Variants in TUB observed in about 807,000 individuals in gnomAD.
TUB encodes tubby protein homolog.
A neutral mutation model predicts 59.7 loss-of-function variants in TUB; 33 were observed. The observed-to-expected ratio is 0.55, with a 90% CI of 0.42 to 0.74. The LOEUF is 0.74. TUB is among the 30% of genes least tolerant of loss of function. The pLI is 0.00. For synonymous variants in TUB, 293 were observed against 256.4 expected, an observed-to-expected ratio of 1.14 and a Z score of -1.36; for missense variants, 659 against 672.0, an observed-to-expected ratio of 0.98 and a Z score of 0.21.
Position 8,105,737 on chromosome 11 carries a change from C to T in TUB, c.*4118C>T, listed in dbSNP as rs1444616823. On this transcript the variant is annotated 3_prime_UTR_variant, in exon 12 of 12. Transcript: ENST00000299506. ...CTACCTTTATAGCTCATCACTGTGC[C>T]TTTTTTTCTTTCCTAAGAAAGACAT... The T allele has an allele frequency of 3.9e-5, 6 of 152,166 alleles. No homozygotes were observed. The highest frequency in any genetic ancestry group is 8.8e-5 in the Non-Finnish European group (6 of 68,034). 9.4% of individuals were successfully genotyped at this position (152,166 alleles called of 1,614,324 possible).
At chr11:8,037,270 A>G (rs1942659772), upstream of TUB, among the ~76,000 whole-genome samples, 1 of 152,082 alleles carries the variant, frequency 6.6e-6, no homozygotes, top group Non-Finnish European at 1.5e-5. Flanking sequence ...CCATATTGGG[A>G]GCCTTGGCTT....
chr11:8,020,411 C>A (rs755953753), intron 1 of TUB, among the ~76,000 whole-genome samples: 3 of 152,176 alleles, frequency 2.0e-5, no homozygotes, highest in Non-Finnish European at 4.4e-5. Flanking sequence ...TTCAGAGGAA[C>A]AGGTGTCCCT....
chr11:8,061,943 C>A (rs1180134640), intron 2 of TUB: 1 of 152,670 alleles, frequency 6.6e-6, no homozygotes, highest in African/African-American at 2.4e-5. Context: ...GAGACCCCAC[C>A]CCTGGAGTTC....
chr11:8,086,590 G>A (rs1286678904), intron 1 of TUB, among the ~76,000 whole-genome samples: 2 of 152,100 alleles, frequency 1.3e-5, no homozygotes, highest in African/African-American at 4.8e-5. Flanking sequence ...AGGTAATCGT[G>A]GTCCCATCTC....
At chr11:8,053,211 C>G (rs971449230) in intron 2 of TUB, among the ~76,000 whole-genome samples, 3 of 152,178 alleles carry the variant, frequency 2.0e-5, no homozygotes, top group Admixed American at 6.5e-5. Flanking sequence ...TATAAACCAT[C>G]TTTCCATTTC....
intron 5 of TUB, among the ~76,000 whole-genome samples, chr11:8,095,908 G>T (rs1943972943): frequency 6.6e-6 from 1 of 152,212 alleles, no homozygotes; most frequent in Non-Finnish European, 1.5e-5. Flanking sequence ...AGCTCCTTTT[G>T]CAAGAAGTTT....
intron 2 of TUB, among the ~76,000 whole-genome samples, chr11:8,059,077 G>C (rs1013505500): frequency 5.9e-5 from 9 of 152,164 alleles, no homozygotes; most frequent in Non-Finnish European, 1.3e-4. Context: ...GAGGTAGGGT[G>C]GGGTGGAGGG....
At chr11:8,033,138 T>C (rs1036713458) in intron 1 of TUB, among the ~76,000 whole-genome samples, 2 of 152,188 alleles carry the variant, frequency 1.3e-5, no homozygotes, top group African/African-American at 4.8e-5. Flanking sequence ...GCCCCTCGCC[T>C]GCCCGCTTCC....
chr11:8,106,080 C>G lies in TUB; in HGVS notation c.*4461C>G, dbSNP rs1944597310. The G allele has an allele frequency of 6.6e-6, 1 of 152,100 alleles. No individual in the cohort carries two copies. Among genetic ancestry groups the G allele is most frequent in the South Asian group, 2.1e-4 (1 of 4,824 alleles). 9.4% of individuals were successfully genotyped at this position (152,100 alleles called of 1,614,324 possible). A position where few individuals can be genotyped will look rare whatever the true frequency, so the allele number is the denominator to read the frequency against. On this transcript the variant is annotated 3_prime_UTR_variant, in exon 12 of 12. Transcript: ENST00000299506. ...ATTTGCAAAACTGTGCTTTTATTGA[C>G]TTTTTGAATAAACTTTGGTATTCTG...
chr11:8,043,074 T>G (rs1589928888), intron 2 of TUB, among the ~76,000 whole-genome samples: 1 of 152,216 alleles, frequency 6.6e-6, no homozygotes, highest in African/African-American at 2.4e-5. Flanking sequence ...GGCTCTTTCA[T>G]TTAGGTCTTT....
chr11:8,075,214 A>G (rs922035023), intron 2 of TUB, among the ~76,000 whole-genome samples: 7 of 152,182 alleles, frequency 4.6e-5, no homozygotes, highest in African/African-American at 1.7e-4. Flanking sequence ...CTTTGTACAT[A>G]AACTTTTGAC....
intron 1 of TUB, among the ~76,000 whole-genome samples, chr11:8,028,048 A>T (rs924611069): frequency 3.9e-5 from 6 of 152,196 alleles, no homozygotes; most frequent in African/African-American, 1.4e-4. Context: ...ACCATTTTAC[A>T]TTTCCACCAG....
At position 8,101,690 on chromosome 11, in the gene TUB, C is replaced by T; in HGVS notation, c.*71C>T. On this transcript the variant is annotated 3_prime_UTR_variant, in exon 12 of 12. Coordinates refer to ENST00000299506, the MANE Select transcript of TUB (RefSeq NM_177972.3). ...TGCCTGCCTGCCTGTGGAGACAGCC[C>T]TGCCTATCCTCTGTATATAGGCCTT... The T allele has an allele frequency of 6.4e-7, 1 of 1,574,014 alleles. No homozygotes were observed. The highest frequency in any genetic ancestry group is 1.2e-5 in the South Asian group (1 of 86,630).
rs147447911 is a variant in TUB, at chr11:8,054,817, G to T, written c.203+15125G>T. Among the ~76,000 whole-genome samples the T allele has an allele frequency of 1.1e-4, 17 of 152,326 alleles. No individual in the cohort carries two copies. The East Asian group carries it at 3.1e-3, about 28-fold the overall frequency. On this transcript the variant is annotated intron_variant, in intron 2 of 12. Transcript: ENST00000305253. The stretch of plus-strand genomic sequence containing the variant: ...TGTTCCTGTGTTACTGTCACTGGGA[G>T]GCACATGGCACATCTGGCTAAAGGG...
At chr11:8,042,666 A>G (rs994688926) in intron 2 of TUB, among the ~76,000 whole-genome samples, 4 of 152,208 alleles carry the variant, frequency 2.6e-5, no homozygotes, top group Non-Finnish European at 5.9e-5. Flanking sequence ...GTAGTATCTC[A>G]TTGTGGTTTG....
At position 8,084,281 on chromosome 11, in the gene TUB, G is replaced by T. The variant is rs1195992773; in HGVS notation, c.38+2733G>T. On this transcript the variant is annotated intron_variant, in intron 1 of 11. Transcript: ENST00000299506. ...TGATAATCTTCTTATGGGTAATTTT[G>T]GCTCAGTGTATAATGATCATGGATT... Among the ~76,000 whole-genome samples the T allele has an allele frequency of 2.6e-5, 4 of 152,222 alleles. No individual in the cohort carries two copies. In the East Asian group the frequency reaches 7.7e-4, roughly 29 times the overall value.
At chr11:8,022,875 A>G (rs577545596) in intron 1 of TUB, among the ~76,000 whole-genome samples, 2 of 152,322 alleles carry the variant, frequency 1.3e-5, no homozygotes, top group South Asian at 2.1e-4. Context: ...AGCCTGGCCG[A>G]CAGAGCAAGA....
At chr11:8,045,104 G>C (rs1942811172) in intron 2 of TUB, among the ~76,000 whole-genome samples, 2 of 152,022 alleles carry the variant, frequency 1.3e-5, no homozygotes, top group Admixed American at 6.6e-5. Flanking sequence ...TTCCCCAGTG[G>C]CTTAGGGGTG....
At chr11:8,042,641 C>G (rs1212955296) in intron 2 of TUB, among the ~76,000 whole-genome samples, 1 of 152,120 alleles carries the variant, frequency 6.6e-6, no homozygotes, top group African/African-American at 2.4e-5. Flanking sequence ...GTATAGTCAT[C>G]CTAGTAAGTG....
Sources: allele counts gnomAD v4.1 joint callset (sites outside exome capture counted in the v4.1 genomes callset), GRCh38; gene constraint gnomAD v4.1.1; transcripts MANE v1.5; gene names NCBI Gene and HGNC (gene_info 2026-07-23, HGNC 2026-07-21).